CES1: variants seen among roughly 807,000 people sequenced by gnomAD.
CES1 encodes the protein liver carboxylesterase 1.
A neutral mutation model predicts 53.0 loss-of-function variants in CES1; 50 were observed. The observed-to-expected ratio is 0.94, with a 90% CI of 0.75 to 1.19. The LOEUF is 1.19. Ranked by LOEUF, CES1 falls within the 50% of genes most tolerant of loss-of-function variation. The pLI is 0.00. For missense variants in CES1, 534 were observed against 538.0 expected, an observed-to-expected ratio of 0.99 and a Z score of 0.07; for synonymous variants, 202 against 210.1, an observed-to-expected ratio of 0.96 and a Z score of 0.33.
chr16:55,826,032 G>C, intron 3 of CES1, 119 bp downstream of exon 3: 4 of 1,344,656 alleles, frequency 3.0e-6, no homozygotes, highest in Non-Finnish European at 4.3e-6. Context: ...TGGGGTCTCT[G>C]AAACAATCCT....
chr16:55,830,505 T>C (rs2032595157), intron 1 of CES1, among the ~76,000 whole-genome samples: 1 of 151,960 alleles, frequency 6.6e-6, no homozygotes. Flanking sequence ...GTCTAAAAGG[T>C]ATTTTGAAAG....
chr16:55,813,982 A>C (rs146796664), intron 8 of CES1, among the ~76,000 whole-genome samples: 2 of 152,350 alleles, frequency 1.3e-5, no homozygotes, highest in Admixed American at 6.5e-5. Context: ...TGACCATGAA[A>C]GTGCCACCAG....
At chr16:55,814,316 T>C (rs2031836854) in intron 8 of CES1, among the ~76,000 whole-genome samples, 1 of 152,250 alleles carries the variant, frequency 6.6e-6, no homozygotes, top group African/African-American at 2.4e-5. Context: ...AACTCATGTG[T>C]TGCCATCAGG....
At chr16:55,819,283 C>T (rs1234366911) in intron 7 of CES1, among the ~76,000 whole-genome samples, 2 of 152,184 alleles carry the variant, frequency 1.3e-5, no homozygotes, top group Admixed American at 6.5e-5. Flanking sequence ...CATCTGAAAA[C>T]AAGAATGGCA....
intron 3 of CES1, among the ~76,000 whole-genome samples, chr16:55,825,435 G>A (rs1164832607): frequency 3.9e-5 from 6 of 152,198 alleles, no homozygotes; most frequent in African/African-American, 1.4e-4. Flanking sequence ...CCCATGTCCT[G>A]CCCTTCATTT....
intron 3 of CES1, among the ~76,000 whole-genome samples, 153 bp from the exon 4 acceptor site, chr16:55,823,836 T>C (rs2032312302): frequency 2.0e-5 from 3 of 152,282 alleles, no homozygotes; most frequent in Admixed American, 2.0e-4. Context: ...AAAGGCAATC[T>C]CTCTCCTGCA....
At chr16:55,818,863 T>G (rs1261210701) in intron 7 of CES1, among the ~76,000 whole-genome samples, 14 of 152,048 alleles carry the variant, frequency 9.2e-5, no homozygotes, top group Non-Finnish European at 1.9e-4. Context: ...ATTGGATTGT[T>G]GATTTTGGAG....
At chr16:55,832,567 G>T (rs2032724645) in intron 1 of CES1, among the ~76,000 whole-genome samples, 1 of 152,232 alleles carries the variant, frequency 6.6e-6, no homozygotes. Context: ...GCACGGAATA[G>T]CGCAGTCCCT....
In CES1 at chr16:55,818,121, C is replaced by A. The variant is rs367924507; in HGVS notation, c.907-1159G>T. On this transcript the variant is annotated intron_variant, in intron 7 of 13. Coordinates refer to ENST00000360526, the MANE Select transcript of CES1 (RefSeq NM_001025195.2). ...GCCAGCCCTGGGATCCAGGAGTAGC[C>A]TCAGGTCCAAGGAGAGAGTCCAGGC... Among the ~76,000 whole-genome samples the A allele has an allele frequency of 8.5e-5, 13 of 152,288 alleles. 1 individual carries two copies. In the East Asian group the frequency reaches 1.5e-3, roughly 18 times the overall value.
At chr16:55,819,775 T>G in intron 6 of CES1, 136 bp from the exon 7 acceptor site, 1 of 799,160 alleles carries the variant, frequency 1.3e-6, no homozygotes, top group Non-Finnish European at 2.2e-6. Flanking sequence ...GACCCGTGGG[T>G]GTGGGTTCCA....
intron 9 of CES1, chr16:55,812,512 A>C: frequency 3.1e-6 from 1 of 318,258 alleles, no homozygotes; most frequent in South Asian, 3.2e-5. Context: ...AGTGATTTTC[A>C]GGGGAATTAC....
At position 55,810,098 on chromosome 16, in the gene CES1, C is replaced by A. The variant is rs148004784; in HGVS notation, c.1318+419G>T. 5.4e-4 allele frequency among the ~76,000 whole-genome samples: 82 copies of A among 152,266 alleles called. No individual in the cohort carries two copies. The East Asian group carries it at 0.013, about 24-fold the overall frequency. On this transcript the variant is annotated intron_variant, in intron 11 of 13. Transcript: ENST00000360526. ...CCTTGCAAGAGCCTTCAACCAATGA[C>A]AAGTAGAAGCTGGTGAATAAATACC... is the stretch of plus-strand genomic sequence containing the variant.
At chr16:55,817,387 A>G (rs1312809710) in intron 7 of CES1, among the ~76,000 whole-genome samples, 1 of 152,164 alleles carries the variant, frequency 6.6e-6, no homozygotes, top group Non-Finnish European at 1.5e-5. Flanking sequence ...AACTCCTGAG[A>G]TTTTCAGTTT....
intron 7 of CES1, among the ~76,000 whole-genome samples, chr16:55,817,746 CTGTG>C (rs1436839948): frequency 7.1e-6 from 1 of 140,582 alleles, no homozygotes; most frequent in African/African-American, 3.2e-5. Context: ...ATGTGTTTCT[CTGTG>C]TGTGTGTCTG....
rs1285529302 is a variant in CES1 at position 55,833,058 on chromosome 16, T to C, written c.-3A>G. 1.3e-5 allele frequency: 21 copies of C among 1,560,348 alleles called. 4 individuals carry two copies. The highest frequency in any genetic ancestry group is 1.8e-5 in the Non-Finnish European group (21 of 1,139,836). ...AGGATAAAGGCACGGAGCCACATCG[T>C]GGAAGGGCGACAGTTCTCGGGGCCT... On this transcript the variant is annotated 5_prime_UTR_variant, in exon 1 of 14. Transcript: ENST00000360526.
chr16:55,826,776 T>C (rs1469897142), intron 2 of CES1, among the ~76,000 whole-genome samples: 1 of 152,196 alleles, frequency 6.6e-6, no homozygotes, highest in East Asian at 1.9e-4. Flanking sequence ...CTTGCAGCCC[T>C]GACATGCCAA....
intron 8 of CES1, among the ~76,000 whole-genome samples, chr16:55,815,835 T>G (rs1261638709): frequency 6.6e-6 from 1 of 152,218 alleles, no homozygotes; most frequent in East Asian, 1.9e-4. Flanking sequence ...ATCATGTGAC[T>G]CCTCTGTTCA....
chr16:55,812,204 T>C (rs1223232349), intron 9 of CES1: 3 of 153,826 alleles, frequency 2.0e-5, no homozygotes, highest in African/African-American at 7.2e-5. Context: ...GAACACTTCT[T>C]TACTTTTAGA....
chr16:55,822,334 G>T (rs532881806), intron 4 of CES1, among the ~76,000 whole-genome samples: 8 of 152,250 alleles, frequency 5.3e-5, no homozygotes, highest in Non-Finnish European at 8.8e-5. Context: ...AGAGAGCTTT[G>T]GCTGGGCTAG....
Sources: allele counts gnomAD v4.1 joint callset (sites outside exome capture counted in the v4.1 genomes callset), GRCh38; gene constraint gnomAD v4.1.1; transcripts MANE v1.5; gene names NCBI Gene and HGNC (gene_info 2026-07-23, HGNC 2026-07-21).